The following WDR36 variants were observed in gnomAD, a reference collection of about 807,000 sequenced individuals.
WDR36 encodes the protein WD repeat-containing protein 36.
Under a neutral mutation model 112.7 loss-of-function variants are expected in WDR36, and 63 were observed. That is an observed-to-expected ratio of 0.56 (90% CI 0.46 to 0.69). The LOEUF (loss-of-function observed/expected upper bound fraction) is 0.69. Ranked by LOEUF, WDR36 falls within the 30% of genes least tolerant of loss-of-function variation. The pLI, the probability that WDR36 is intolerant of heterozygous loss-of-function variation, is 0.00. For synonymous variants in WDR36, 410 were observed against 362.2 expected (o/e 1.13, Z -1.50); for missense variants, 1,226 against 1,070.3 (o/e 1.15, Z -2.03).
chr5:111,106,344 G>C (rs1335565279), intron 11 of WDR36, among the ~76,000 whole-genome samples: 1 of 151,286 alleles, frequency 6.6e-6, no homozygotes, highest in African/African-American at 2.4e-5. Context: ...TTAACATCAG[G>C]CTTTGCTCTT....
intron 2 of WDR36, 72 bp downstream of exon 2, chr5:111,095,019 T>TA: frequency 7.1e-7 from 1 of 1,401,018 alleles, no homozygotes; most frequent in Admixed American, 2.0e-5. Flanking sequence ...ATGTGAGACT[T>TA]ACAGAGCATA....
In WDR36 at chr5:111,128,067, GT is replaced by G. The variant is rs1367891123; in HGVS notation, c.*1192del. 4 of 190,366 alleles carry G rather than the reference GT, an allele frequency of 2.1e-5. No homozygotes were observed. Among genetic ancestry groups the G allele is most frequent in the East Asian group, 8.2e-5 (1 of 12,200 alleles). The allele number at this position is 190,366 out of a possible 1,614,324, so 11.8% of individuals were successfully genotyped here. A position where few individuals can be genotyped will look rare whatever the true frequency, so the allele number is the denominator to read the frequency against. On this transcript the variant is annotated 3_prime_UTR_variant, in exon 23 of 23. Transcript: ENST00000513710. ...CTTTTTTTCTCATCATCATTGTTTT[GT>G]TTTTTTTATGGTTCAAGACTTTTGC...
At position 111,097,059 on chromosome 5, in the gene WDR36, C is replaced by T; in HGVS notation, c.191-20C>T. 1 of 1,581,542 alleles carries T rather than the reference C, an allele frequency of 6.3e-7. No individual in the cohort carries two copies. The highest frequency in any genetic ancestry group is 8.7e-7 in the Non-Finnish European group (1 of 1,150,832). ...ACATCTTAAAAATCCCTGTTTCTTT[C>T]ATTTTGTATTTTCTGCTAGGTAATT... On this transcript the variant is annotated intron_variant, in intron 2 of 22. Transcript: ENST00000513710.
Position 111,121,053 on chromosome 5 carries a change from C to G in WDR36, c.2060C>G (p.Ser687Trp). 1.2e-6 allele frequency: 2 copies of G among 1,613,476 alleles called. No individual in the cohort carries two copies. The highest frequency in any genetic ancestry group is 1.7e-6 in the Non-Finnish European group (2 of 1,179,572). ...AGTGATGAATTGATAGAATATGATTCGCCAGAACAGTTGAATGAGCAATTG... is the reference window on the plus strand; with the variant it reads ...AGTGATGAATTGATAGAATATGATTGGCCAGAACAGTTGAATGAGCAATTG... ...EPSDELIEYD[S>W]PEQLNEQLVT... is the part of the protein sequence containing the mutation. Residue 687 changes from serine to tryptophan, a missense_variant, in exon 19 of 23, where the codon TCG (serine) becomes TGG (tryptophan). Physicochemically the swap from Ser to Trp is radical, Grantham distance 177. Coordinates refer to ENST00000513710, the MANE Select transcript of WDR36 (RefSeq NM_139281.3).
rs199620186 is a variant in WDR36 at position 111,126,827 on chromosome 5, T to C, written c.2632T>C (p.Ser878Pro). 42 of 1,613,616 alleles carry C rather than the reference T, an allele frequency of 2.6e-5. No homozygotes were observed. The highest frequency in any genetic ancestry group is 1.1e-4 in the African/African-American group (8 of 75,022). Residue 878 changes from serine (S) to proline (P), a missense_variant, in exon 23 of 23, where the codon TCA becomes CCA. Ser to Pro is a moderately conservative substitution (Grantham distance 74). Coordinates refer to ENST00000513710, the MANE Select transcript of WDR36 (RefSeq NM_139281.3). ...GGAAGAAAACTGGACCCATTTGCAA[T>C]CACTCTTCAATCAAAGCATGTGTAT... is the stretch of plus-strand genomic sequence containing the variant. ...QVEENWTHLQ[S>P]LFNQSMCILN...
At chr5:111,095,854 T>C (rs989065292) in intron 2 of WDR36, among the ~76,000 whole-genome samples, 2 of 152,082 alleles carry the variant, frequency 1.3e-5, no homozygotes, top group South Asian at 4.2e-4. Context: ...ATGGAAGGGT[T>C]TTTTTTTAAA....
At position 111,123,895 on chromosome 5, in the gene WDR36, G is replaced by T. The variant is rs1420689250; in HGVS notation, c.2239G>T (p.Ala747Ser). Residue 747 changes from alanine to serine, a missense_variant, in exon 20 of 23, where the codon GCA becomes TCA. By Grantham distance (99) the Ala-to-Ser change is moderately conservative. Transcript: ENST00000513710. ...TCCTGGCCTTGTACCCAGATATGCTGCACCTGAACAAAATAATGATCCCCA... is the reference window on the plus strand; with the variant it reads ...TCCTGGCCTTGTACCCAGATATGCTTCACCTGAACAAAATAATGATCCCCA... The part of the protein sequence containing the change: ...TIPGLVPRYA[A>S]PEQNNDPQQS... 1.9e-6 allele frequency: 3 copies of T among 1,613,552 alleles called. No individual in the cohort carries two copies. The highest frequency in any genetic ancestry group is 2.2e-5 in the South Asian group (2 of 91,070).
chr5:111,119,032 T>C lies in WDR36; in HGVS notation c.1816T>C (p.Leu606=). 1.9e-6 allele frequency: 3 copies of C among 1,613,642 alleles called. No individual in the cohort carries two copies. The highest frequency in any genetic ancestry group is 2.5e-6 in the Non-Finnish European group (3 of 1,179,602). ...CTGTAGCCTTATAGACTGCTTTTTGTTGGACTCGGCTCCTCTCAATGTTTC... is the reference window on the plus strand; with the variant it reads ...CTGTAGCCTTATAGACTGCTTTTTGCTGGACTCGGCTCCTCTCAATGTTTC... ...PSGCLIDCFL[L]DSAPLNVSMS... Residue 606 remains leucine (L), a synonymous_variant, in exon 17 of 23, where the codon TTG becomes CTG. Coordinates refer to ENST00000513710, the MANE Select transcript of WDR36 (RefSeq NM_139281.3).
chr5:111,108,539 C>G (rs916218023), intron 12 of WDR36, among the ~76,000 whole-genome samples: 1 of 148,504 alleles, frequency 6.7e-6, no homozygotes, highest in Non-Finnish European at 1.5e-5. Context: ...AAGATTCTAT[C>G]TTACGCTCCC....
chr5:111,125,921 C>T (rs1027083916), intron 22 of WDR36, 126 bp downstream of exon 22: 1 of 902,944 alleles, frequency 1.1e-6, no homozygotes, highest in Non-Finnish European at 1.8e-6. Flanking sequence ...CCACTTGCCA[C>T]ATGTAGCTAT....
chr5:111,124,010 A>G, intron 20 of WDR36, 86 bp downstream of exon 20: 1 of 1,602,890 alleles, frequency 6.2e-7, no homozygotes. Flanking sequence ...CTAGTTTTAC[A>G]GATATAGGGT....
chr5:111,103,958 T>G, intron 7 of WDR36, 40 bp downstream of exon 7: 1 of 1,605,454 alleles, frequency 6.2e-7, no homozygotes, highest in South Asian at 1.1e-5. Flanking sequence ...TTAAGAACAC[T>G]TAAAATTCAT....
intron 1 of WDR36, 65 bp from the exon 2 acceptor site, chr5:111,094,855 C>G (rs2112562450): frequency 7.7e-7 from 1 of 1,300,822 alleles, no homozygotes; most frequent in Non-Finnish European, 1.1e-6. Flanking sequence ...TCTTAATCTT[C>G]AGGTGTTAGG....
chr5:111,128,337 T>C lies in WDR36; in HGVS notation c.*1454T>C, dbSNP rs1441026744. Reference sequence around the variant, plus strand: ...CATGTTTTTATTTAATGATGTAAGATAGAATTAATAAACTACTAAGGAAAT... The same window carrying C: ...CATGTTTTTATTTAATGATGTAAGACAGAATTAATAAACTACTAAGGAAAT... On this transcript the variant is annotated 3_prime_UTR_variant, in exon 23 of 23. Transcript: ENST00000513710. 1 of 184,644 alleles carries C rather than the reference T, an allele frequency of 5.4e-6. No homozygotes were observed. Among genetic ancestry groups the C allele is most frequent in the East Asian group, 8.7e-5 (1 of 11,540 alleles). The allele number at this position is 184,644 out of a possible 1,614,324, so 11.4% of individuals were successfully genotyped here. A position where few individuals can be genotyped will look rare whatever the true frequency, so the allele number is the denominator to read the frequency against.
chr5:111,103,168 C>G (rs1489732601), intron 6 of WDR36, among the ~76,000 whole-genome samples: 2 of 151,620 alleles, frequency 1.3e-5, no homozygotes, highest in African/African-American at 4.8e-5. Flanking sequence ...AAACGTGTAG[C>G]CTGATTCCAT....
At chr5:111,099,597 C>G (rs1329870811) in intron 4 of WDR36, among the ~76,000 whole-genome samples, 1 of 151,120 alleles carries the variant, frequency 6.6e-6, no homozygotes, top group Non-Finnish European at 1.5e-5. Flanking sequence ...AACAGAATTC[C>G]AAAAGTATTC....
Position 111,127,183 on chromosome 5 carries a change from G to C in WDR36, c.*300G>C. 1 of 256,140 alleles carries C rather than the reference G, an allele frequency of 3.9e-6. No homozygotes were observed. Among genetic ancestry groups the C allele is most frequent in the Non-Finnish European group, 7.4e-6 (1 of 134,846 alleles). 15.9% of individuals were successfully genotyped at this position (256,140 alleles called of 1,614,324 possible). On this transcript the variant is annotated 3_prime_UTR_variant, in exon 23 of 23. Coordinates refer to ENST00000513710, the MANE Select transcript of WDR36 (RefSeq NM_139281.3). Reference sequence around the variant, plus strand: ...AAGCAAGATCCCATCTCTACAAAAAGTTAAAAAAATAAATTACACCTGCCT... The same window carrying C: ...AAGCAAGATCCCATCTCTACAAAAACTTAAAAAAATAAATTACACCTGCCT...
intron 16 of WDR36, among the ~76,000 whole-genome samples, chr5:111,113,765 A>T (rs1434322495): frequency 6.6e-6 from 1 of 152,072 alleles, no homozygotes; most frequent in Admixed American, 6.6e-5. Context: ...AAGAGTCCCA[A>T]GGTGGTATGG....
chr5:111,104,900 T>C (rs946780851), intron 9 of WDR36, 83 bp downstream of exon 9: 2 of 1,586,758 alleles, frequency 1.3e-6, no homozygotes, highest in Middle Eastern at 1.7e-4. Context: ...TATTTACACA[T>C]ACTTAGATTC....
Sources: allele counts gnomAD v4.1 joint callset (sites outside exome capture counted in the v4.1 genomes callset), GRCh38; gene constraint gnomAD v4.1.1; transcripts MANE v1.5; gene names NCBI Gene and HGNC (gene_info 2026-07-23, HGNC 2026-07-21).